The following DMD variants were observed in gnomAD, a reference collection of about 807,000 sequenced individuals.
DMD encodes mutant dystrophin.
A neutral mutation model predicts 330.1 loss-of-function variants in DMD; 63 were observed. The ratio of observed to expected loss-of-function variants is 0.19; its 90% CI spans 0.16 to 0.24. DMD has a LOEUF of 0.24. Ranked by LOEUF, DMD falls within the 10% of genes least tolerant of loss-of-function variation. The pLI, the probability that DMD is intolerant of heterozygous loss-of-function variation, is 1.00. For missense variants in DMD, 3,344 were observed against 2,684.1 expected (o/e 1.25, Z -5.43); for synonymous variants, 1,223 against 959.8 (o/e 1.27, Z -5.07).
intron 44 of DMD, among the ~76,000 whole-genome samples, chrX:32,032,786 G>T (rs768763979): frequency 8.9e-6 from 1 of 111,748 alleles, no homozygotes; most frequent in Non-Finnish European, 1.9e-5. Context: ...CAACTCCCTG[G>T]GCAAATGTTT....
chrX:32,960,088 C>T (rs896488445), intron 2 of DMD: 8 of 111,885 alleles, frequency 7.2e-5, no homozygotes, highest in Non-Finnish European at 1.5e-4. Flanking sequence ...ATAGAGGTGC[C>T]TCTCATTAAA....
chrX:32,225,597 G>A (rs1315694195), intron 43 of DMD, among the ~76,000 whole-genome samples: 2 of 111,300 alleles, frequency 1.8e-5, no homozygotes, highest in Non-Finnish European at 3.8e-5. Context: ...GGTGGGGCCT[G>A]GTGAGAGGTG....
chrX:31,402,781 G>A (rs969056827), intron 60 of DMD, among the ~76,000 whole-genome samples: 2 of 112,033 alleles, frequency 1.8e-5, no homozygotes, highest in Non-Finnish European at 3.8e-5. Context: ...ATTATCAAAT[G>A]GCTGAATGAC....
intron 61 of DMD, among the ~76,000 whole-genome samples, chrX:31,340,226 T>C (rs1270647206): frequency 8.9e-6 from 1 of 112,395 alleles, no homozygotes; most frequent in East Asian, 2.8e-4. Flanking sequence ...CAAGAAATAA[T>C]GGATCAGTTA....
At chrX:32,183,036 A>G (rs2096932731) in intron 44 of DMD, among the ~76,000 whole-genome samples, 1 of 110,743 alleles carries the variant, frequency 9.0e-6, no homozygotes, top group Non-Finnish European at 1.9e-5. Flanking sequence ...CATTTTGCAG[A>G]AAAAAAACAT....
chrX:32,658,391 T>A (rs2147052241), intron 9 of DMD, among the ~76,000 whole-genome samples: 1 of 111,408 alleles, frequency 9.0e-6, no homozygotes, highest in South Asian at 3.8e-4. Flanking sequence ...TCTTCAATTT[T>A]GCAGACCACT....
intron 44 of DMD, among the ~76,000 whole-genome samples, chrX:32,186,916 T>G (rs776053453): frequency 9.0e-6 from 1 of 111,015 alleles, no homozygotes; most frequent in East Asian, 2.8e-4. Flanking sequence ...TAACGGAACA[T>G]ATCAGCAGAT....
At chrX:31,399,724 A>T (rs1337983800) in intron 60 of DMD, among the ~76,000 whole-genome samples, 1 of 111,708 alleles carries the variant, frequency 9.0e-6, no homozygotes, top group African/African-American at 3.3e-5. Flanking sequence ...GTTTAGCAAG[A>T]TAACTAGCCA....
chrX:32,494,318 C>G (rs1396590308), intron 19 of DMD, among the ~76,000 whole-genome samples: 1 of 111,202 alleles, frequency 9.0e-6, no homozygotes. Flanking sequence ...TATTTATTTG[C>G]ATATTGATCT....
At chrX:32,930,510 A>G (rs895079853) in intron 2 of DMD, among the ~76,000 whole-genome samples, 2 of 110,954 alleles carry the variant, frequency 1.8e-5, no homozygotes, top group Non-Finnish European at 3.8e-5. Context: ...TTATTTCCCA[A>G]CTAATCAAGA....
At chrX:32,034,928 G>A (rs1364043010) in intron 44 of DMD, among the ~76,000 whole-genome samples, 1 of 111,608 alleles carries the variant, frequency 9.0e-6, no homozygotes, top group African/African-American at 3.2e-5. Context: ...GTGACAAAAA[G>A]AAAAATGTGA....
intron 59 of DMD, among the ~76,000 whole-genome samples, chrX:31,473,503 C>T (rs185771340): frequency 1.5e-4 from 16 of 110,108 alleles, no homozygotes; most frequent in Admixed American, 1.9e-4. Flanking sequence ...GGGCGGATCA[C>T]GAGATCAAGA....
intron 7 of DMD, among the ~76,000 whole-genome samples, chrX:32,738,782 A>C (rs181037291): frequency 1.8e-5 from 2 of 111,594 alleles, no homozygotes; most frequent in East Asian, 5.7e-4. Flanking sequence ...GATGATATGG[A>C]TATACTTATA....
chrX:33,183,497 C>A (rs1378248876), intron 1 of DMD, among the ~76,000 whole-genome samples: 1 of 111,696 alleles, frequency 9.0e-6, no homozygotes, highest in African/African-American at 3.3e-5. Context: ...AAGAATGAGG[C>A]TCGGCTATTT....
At chrX:32,332,815 T>G (rs1428453371) in intron 41 of DMD, among the ~76,000 whole-genome samples, 1 of 110,449 alleles carries the variant, frequency 9.1e-6, no homozygotes, top group Non-Finnish European at 1.9e-5. Flanking sequence ...TGTGTAGAGA[T>G]AGGCTAAAGA....
At chrX:31,275,319 G>A (rs781505068) in intron 62 of DMD, among the ~76,000 whole-genome samples, 5 of 111,112 alleles carry the variant, frequency 4.5e-5, no homozygotes, top group South Asian at 7.6e-4. Context: ...GCTGTGTTAC[G>A]ACATCAGTTT....
chrX:32,468,397 G>A, intron 23 of DMD, 101 bp downstream of exon 23: 1 of 738,998 alleles, frequency 1.4e-6, no homozygotes, highest in Non-Finnish European at 2.0e-6. Context: ...TTTGAAAGAT[G>A]CTGAAGGTCA....
chrX:31,822,653 G>GGTGTGTGTGTGTGT (rs1556919105), intron 49 of DMD, among the ~76,000 whole-genome samples: 4,826 of 65,613 alleles, frequency 0.074, 313 homozygotes, highest in Middle Eastern at 0.084. Context: ...AAGGCAGAGG[G>GGTGTGTGTGTGTGT]GTGTGTGTGT....
intron 2 of DMD, among the ~76,000 whole-genome samples, chrX:33,016,366 A>G (rs773281502): frequency 9.0e-4 from 101 of 111,915 alleles, no homozygotes; most frequent in Non-Finnish European, 1.7e-3. Context: ...GTAGACATAC[A>G]GCGTAGAAGG....
Sources: gnomAD v4.1 joint callset for allele counts (sites outside exome capture counted in the v4.1 genomes callset) on GRCh38, gnomAD v4.1.1 for gene constraint, MANE v1.5 for transcripts, NCBI Gene and HGNC (gene_info 2026-07-23, HGNC 2026-07-21) for gene names.